Variants in AFG2A observed in about 807,000 individuals in gnomAD.
AFG2A encodes ATPase family gene 2 protein homolog A.
the AFG2A span, among the ~76,000 whole-genome samples, chr4:122,967,724 A>G: frequency 6.6e-6 from 1 of 152,088 alleles, no homozygotes; most frequent in Non-Finnish European, 1.5e-5. Context: ...ACTGGTCTTA[A>G]ACTCGTGGCC....
chr4:122,992,305 G>T, the AFG2A span, among the ~76,000 whole-genome samples: 8 of 152,112 alleles, frequency 5.3e-5, no homozygotes, highest in African/African-American at 1.9e-4. Flanking sequence ...TTATTATTTG[G>T]CCTAAGGCCA....
At chr4:123,080,720 A>G in the AFG2A span, among the ~76,000 whole-genome samples, 1 of 151,436 alleles carries the variant, frequency 6.6e-6, no homozygotes, top group African/African-American at 2.4e-5. Flanking sequence ...ACAACCCACC[A>G]TGTTTACAGT....
At chr4:123,015,066 C>T in the AFG2A span, among the ~76,000 whole-genome samples, 1 of 152,246 alleles carries the variant, frequency 6.6e-6, no homozygotes, top group Non-Finnish European at 1.5e-5. Context: ...AACACTCAGC[C>T]CTTCCCACTC....
chr4:123,025,553 CT>C, the AFG2A span, among the ~76,000 whole-genome samples: 125,575 of 150,990 alleles, frequency 0.83, 53,284 homozygotes, highest in East Asian at 0.96. Context: ...ATAACTTGAA[CT>C]TTTTTTTTTT....
At chr4:123,201,736 T>C in the AFG2A span, among the ~76,000 whole-genome samples, 1 of 151,902 alleles carries the variant, frequency 6.6e-6, no homozygotes, top group Non-Finnish European at 1.5e-5. Context: ...CTGGGCAACA[T>C]AGTGAAACTT....
At chr4:123,127,678 C>T in the AFG2A span, among the ~76,000 whole-genome samples, 2 of 152,072 alleles carry the variant, frequency 1.3e-5, no homozygotes, top group Non-Finnish European at 2.9e-5. Flanking sequence ...AGCAGTATTT[C>T]TGTTAAATTG....
the AFG2A span, among the ~76,000 whole-genome samples, chr4:123,024,298 AC>A: frequency 2.2e-5 from 1 of 45,050 alleles, no homozygotes; most frequent in Non-Finnish European, 9.0e-5. Context: ...TAACGAACAG[AC>A]CCCCCAAAAA....
the AFG2A span, among the ~76,000 whole-genome samples, chr4:123,103,217 A>G: frequency 6.6e-6 from 1 of 152,064 alleles, no homozygotes; most frequent in Non-Finnish European, 1.5e-5. Context: ...AAGAAAAGCA[A>G]GAGAGTGTGT....
At chr4:123,036,571 C>G in the AFG2A span, among the ~76,000 whole-genome samples, 1 of 151,980 alleles carries the variant, frequency 6.6e-6, no homozygotes, top group Non-Finnish European at 1.5e-5. Context: ...GACAAGTCAG[C>G]AAAGGAGACT....
chr4:123,007,853 G>T, the AFG2A span, among the ~76,000 whole-genome samples: 1 of 151,658 alleles, frequency 6.6e-6, no homozygotes, highest in Non-Finnish European at 1.5e-5. Context: ...ACTTTTTCCA[G>T]TCAATAAGTT....
the AFG2A span, among the ~76,000 whole-genome samples, chr4:123,089,988 G>A: frequency 4.6e-5 from 7 of 152,246 alleles, no homozygotes; most frequent in South Asian, 2.1e-4. Context: ...GACTTGGTAC[G>A]TAAACCAAAG....
chr4:123,087,295 T>C, the AFG2A span, among the ~76,000 whole-genome samples: 1 of 152,124 alleles, frequency 6.6e-6, no homozygotes. Context: ...AACTTCACAA[T>C]TTTCTCCCGT....
chr4:123,182,411 A>G, the AFG2A span, among the ~76,000 whole-genome samples: 1 of 152,212 alleles, frequency 6.6e-6, no homozygotes, highest in Non-Finnish European at 1.5e-5. Context: ...GTTCCTTTCT[A>G]ACTAACCCAA....
At chr4:122,923,207 C>G in the AFG2A span, 1 of 1,614,266 alleles carries the variant, frequency 6.2e-7, no homozygotes, top group Non-Finnish European at 8.5e-7. Flanking sequence ...TCCTTGCCCT[C>G]TGCTGCTTCC....
the AFG2A span, among the ~76,000 whole-genome samples, chr4:123,017,134 G>A: frequency 7.8e-6 from 1 of 128,962 alleles, no homozygotes; most frequent in East Asian, 2.5e-4. Context: ...GAGGGAGACC[G>A]TGGGGAGAGG....
the AFG2A span, among the ~76,000 whole-genome samples, chr4:123,050,267 G>A: frequency 1.3e-5 from 2 of 152,154 alleles, no homozygotes; most frequent in African/African-American, 2.4e-5. Flanking sequence ...TAACAAGAAT[G>A]TGTATATTCT....
chr4:122,970,569 G>C, the AFG2A span, among the ~76,000 whole-genome samples: 2 of 147,876 alleles, frequency 1.4e-5, no homozygotes, highest in Non-Finnish European at 1.5e-5. Flanking sequence ...TATTTTTACT[G>C]TACCTTTTCT....
the AFG2A span, among the ~76,000 whole-genome samples, chr4:123,143,183 A>T: frequency 2.3e-4 from 32 of 137,846 alleles, 1 homozygote; most frequent in East Asian, 6.3e-3. Context: ...GTTTTTCCAG[A>T]AAAAAAAAAG....
chr4:123,209,165 C>T, the AFG2A span, among the ~76,000 whole-genome samples: 1 of 152,290 alleles, frequency 6.6e-6, no homozygotes, highest in Non-Finnish European at 1.5e-5. Context: ...CATGGGAACC[C>T]TGATTTATAG....
Sources: gnomAD v4.1 joint callset for allele counts (sites outside exome capture counted in the v4.1 genomes callset) on GRCh38, gnomAD v4.1.1 for gene constraint, MANE v1.5 for transcripts, NCBI Gene and HGNC (gene_info 2026-07-23, HGNC 2026-07-21) for gene names.